PRKAG2: variants seen among roughly 807,000 people sequenced by gnomAD.
The protein encoded by PRKAG2 is protein kinase AMP-activated non-catalytic subunit gamma 2.
PRKAG2 carries 26 observed loss-of-function variants against 69.6 expected under a neutral mutation model. The observed-to-expected ratio is 0.37, with a 90% CI of 0.27 to 0.52. PRKAG2 has a LOEUF of 0.52. Ranked by LOEUF, PRKAG2 falls within the 20% of genes least tolerant of loss-of-function variation. The pLI is 0.90. For synonymous variants in PRKAG2, 293 were observed against 285.0 expected, an observed-to-expected ratio of 1.03 and a Z score of -0.28; for missense variants, 557 against 740.0, an observed-to-expected ratio of 0.75 and a Z score of 2.87.
At chr7:151,819,324 C>T (rs6979926) in intron 1 of PRKAG2, among the ~76,000 whole-genome samples, 27,692 of 152,230 alleles carry the variant, frequency 0.18, 3,086 homozygotes, top group Middle Eastern at 0.28. Flanking sequence ...TTGGACCTGC[C>T]GCCTAAAATC....
intron 3 of PRKAG2, among the ~76,000 whole-genome samples, chr7:151,749,798 A>AT (rs1465668282): frequency 2.6e-5 from 4 of 151,758 alleles, no homozygotes; most frequent in Non-Finnish European, 5.9e-5. Context: ...AAAAAAAAAA[A>AT]AAAAGGAAAA....
At position 151,638,389 on chromosome 7, in the gene PRKAG2, C is replaced by T. The variant is rs1038277190; in HGVS notation, c.685-6251G>A. 6.6e-6 allele frequency among the ~76,000 whole-genome samples: 1 copy of T among 152,190 alleles called. No homozygotes were observed. The highest frequency in any genetic ancestry group is 1.5e-5 in the Non-Finnish European group (1 of 68,030). ...GTGGCTCATGCCTGTAATCCCAGCA[C>T]TTTGGGAGGCCGAGGCGGGCGGATC... On this transcript the variant is annotated intron_variant, in intron 4 of 15. Coordinates refer to ENST00000287878, the MANE Select transcript of PRKAG2 (RefSeq NM_016203.4). The surrounding 1 kb of genome is among the most constrained non-coding windows in gnomAD (Gnocchi z 4.3).
intron 3 of PRKAG2, among the ~76,000 whole-genome samples, chr7:151,685,793 T>C (rs1834634632): frequency 6.6e-6 from 1 of 151,678 alleles, no homozygotes; most frequent in African/African-American, 2.4e-5. Context: ...AATTCTAATA[T>C]GGTGAATATT....
At chr7:151,875,373 G>A (rs1461650896) in intron 1 of PRKAG2, among the ~76,000 whole-genome samples, 1 of 152,196 alleles carries the variant, frequency 6.6e-6, no homozygotes, top group East Asian at 1.9e-4. Context: ...AAAGAAGGGT[G>A]GCTCAGCAAA....
intron 5 of PRKAG2, among the ~76,000 whole-genome samples, chr7:151,618,453 CA>C (rs1820683271): frequency 6.7e-6 from 1 of 148,542 alleles, no homozygotes; most frequent in Non-Finnish European, 1.5e-5. Context: ...GACTCCGTCT[CA>C]AAATAAAATA....
intron 1 of PRKAG2, among the ~76,000 whole-genome samples, chr7:151,791,574 C>T (rs746391794): frequency 2.6e-5 from 4 of 152,194 alleles, no homozygotes; most frequent in Non-Finnish European, 4.4e-5. Flanking sequence ...GATTTTCATC[C>T]GCTGCACAAA....
chr7:151,738,408 C>A (rs963941378), intron 3 of PRKAG2, among the ~76,000 whole-genome samples: 1 of 152,280 alleles, frequency 6.6e-6, no homozygotes, highest in Non-Finnish European at 1.5e-5. Context: ...AGCAAGCCCC[C>A]CAAAATCTGG....
chr7:151,727,160 A>G (rs1232047305), intron 3 of PRKAG2, among the ~76,000 whole-genome samples: 1 of 152,036 alleles, frequency 6.6e-6, no homozygotes, highest in Non-Finnish European at 1.5e-5. Flanking sequence ...GGTTACAGTG[A>G]GCCAAGATTG....
chr7:151,556,572 GAT>G lies in PRKAG2; in HGVS notation c.*627_*628del, dbSNP rs775611269. 1 of 152,620 alleles carries G rather than the reference GAT, an allele frequency of 6.6e-6. No homozygotes were observed. Among genetic ancestry groups the G allele is most frequent in the Non-Finnish European group, 1.5e-5 (1 of 68,188 alleles). The allele number at this position is 152,620 out of a possible 1,614,324, so 9.5% of individuals were successfully genotyped here. A position where few individuals can be genotyped will look rare whatever the true frequency, so the allele number is the denominator to read the frequency against. On this transcript the variant is annotated 3_prime_UTR_variant, in exon 16 of 16. Coordinates refer to ENST00000287878, the MANE Select transcript of PRKAG2 (RefSeq NM_016203.4). ...TGTGGTGAAGTTTACTCCACCAAAA[GAT>G]GTGTAAAAAAATTGCATGAAAGTAA...
intron 6 of PRKAG2, among the ~76,000 whole-genome samples, chr7:151,588,019 TA>T (rs113509193): frequency 1.8e-4 from 27 of 148,768 alleles, no homozygotes; most frequent in East Asian, 1.4e-3. Context: ...AAACACTTGT[TA>T]AAAAAAAAAG....
At chr7:151,566,010 G>T in intron 11 of PRKAG2, 125 bp from the exon 12 acceptor site, 1 of 1,063,302 alleles carries the variant, frequency 9.4e-7, no homozygotes, top group Non-Finnish European at 1.4e-6. Flanking sequence ...CAGTCTACCT[G>T]GATGCCTGAA....
rs369563996 is a variant in PRKAG2 at position 151,841,775 on chromosome 7, GTGA to G, written c.114+34729_114+34731del. Among the ~76,000 whole-genome samples, 432 of 147,054 alleles carry G rather than the reference GTGA, an allele frequency of 2.9e-3. 4 individuals are homozygous for G. Among genetic ancestry groups the G allele is most frequent in the African/African-American group, 0.011 (417 of 38,172 alleles). ...GTAGTAATGGTAGTGATGGTAGGTA[GTGA>G]TGATGGTAGTGATAGTAGGTAGTAA... On this transcript the variant is annotated intron_variant, in intron 1 of 15. Transcript: ENST00000287878.
chr7:151,765,154 T>C (rs2075664400), intron 3 of PRKAG2, among the ~76,000 whole-genome samples: 1 of 152,162 alleles, frequency 6.6e-6, no homozygotes, highest in African/African-American at 2.4e-5. Context: ...CTGGGTAACT[T>C]ATGCAGAAAA....
intron 1 of PRKAG2, among the ~76,000 whole-genome samples, chr7:151,804,242 C>T (rs567158968): frequency 6.6e-6 from 1 of 152,332 alleles, no homozygotes; most frequent in East Asian, 1.9e-4. Flanking sequence ...AACCAGTCCC[C>T]TGTAGGTGAC....
chr7:151,872,422 A>T (rs188559884), intron 1 of PRKAG2, among the ~76,000 whole-genome samples: 109 of 152,322 alleles, frequency 7.2e-4, no homozygotes, highest in Non-Finnish European at 1.3e-3. Flanking sequence ...TTCTTAGTTC[A>T]GGTCCCCCCA....
chr7:151,560,418 T>C, intron 15 of PRKAG2, 106 bp downstream of exon 15: 1 of 1,608,056 alleles, frequency 6.2e-7, no homozygotes, highest in Non-Finnish European at 8.5e-7. Context: ...CTCAAAGCCT[T>C]GATCTGTAGG....
At chr7:151,734,923 G>A (rs1486325463) in intron 3 of PRKAG2, among the ~76,000 whole-genome samples, 1 of 137,944 alleles carries the variant, frequency 7.2e-6, no homozygotes, top group Non-Finnish European at 1.5e-5. Flanking sequence ...GGTGTGACCT[G>A]GGCTCACTGC....
intron 4 of PRKAG2, among the ~76,000 whole-genome samples, chr7:151,674,687 A>C (rs1472526567): frequency 6.6e-6 from 1 of 151,994 alleles, no homozygotes; most frequent in Non-Finnish European, 1.5e-5. Context: ...CTCCCCTTCC[A>C]AAGAGGGCAT....
chr7:151,808,041 G>A (rs968923309), intron 1 of PRKAG2, among the ~76,000 whole-genome samples: 16 of 152,142 alleles, frequency 1.1e-4, no homozygotes, highest in Admixed American at 4.6e-4. Context: ...GCAGCAAGAC[G>A]ACGGCAGATA....
Sources: allele counts gnomAD v4.1 joint callset (sites outside exome capture counted in the v4.1 genomes callset), GRCh38; gene constraint gnomAD v4.1.1; non-coding constraint Gnocchi (gnomAD v3.1); transcripts MANE v1.5; gene names NCBI Gene and HGNC (gene_info 2026-07-23, HGNC 2026-07-21).